GALNTL6: variants seen among roughly 807,000 people sequenced by gnomAD.
The protein encoded by GALNTL6 is polypeptide N-acetylgalactosaminyltransferase-like 6.
GALNTL6 carries 46 observed loss-of-function variants against 73.7 expected under a neutral mutation model. That is an observed-to-expected ratio of 0.62 (90% CI 0.49 to 0.80). GALNTL6 has a LOEUF of 0.80. Ranked by LOEUF, GALNTL6 falls within the 30% of genes least tolerant of loss-of-function variation. GALNTL6 has a pLI of 0.00. For missense variants in GALNTL6, 604 were observed against 755.0 expected, an observed-to-expected ratio of 0.80 and a Z score of 2.34; for synonymous variants, 259 against 263.7, an observed-to-expected ratio of 0.98 and a Z score of 0.17.
rs1447977699 is a variant in GALNTL6, at chr4:172,506,853, C to A, written c.553+158164C>A. 3.6e-5 allele frequency among the ~76,000 whole-genome samples: 2 copies of A among 55,698 alleles called. 1 individual carries two copies. The highest frequency in any genetic ancestry group is 9.0e-5 in the African/African-American group (2 of 22,286). The allele number at this position is 55,698 out of a possible 152,430, so 36.5% of individuals were successfully genotyped here. ...AGCCACTCACCACTACTCATGAGTA[C>A]ACAGGCCAAGGCCCTTGGCTTCCTG... On this transcript the variant is annotated intron_variant, in intron 5 of 12. Coordinates refer to ENST00000506823, the MANE Select transcript of GALNTL6 (RefSeq NM_001034845.3).
chr4:172,647,906 T>G (rs1740308257), intron 5 of GALNTL6, among the ~76,000 whole-genome samples: 1 of 152,128 alleles, frequency 6.6e-6, no homozygotes, highest in Non-Finnish European at 1.5e-5. Flanking sequence ...ATTAACTGTT[T>G]CTTGTATGTC....
At chr4:172,226,144 A>T (rs1579276315) in intron 2 of GALNTL6, among the ~76,000 whole-genome samples, 1 of 152,132 alleles carries the variant, frequency 6.6e-6, no homozygotes, top group African/African-American at 2.4e-5. Flanking sequence ...CCTACTTGCA[A>T]TTTCTGATAC....
chr4:172,661,664 A>G (rs1465709192), intron 5 of GALNTL6, among the ~76,000 whole-genome samples: 1 of 152,234 alleles, frequency 6.6e-6, no homozygotes, highest in East Asian at 1.9e-4. Context: ...TGGAGTGCTC[A>G]TGGCCAAAAA....
chr4:172,314,038 T>C (rs1740459646), intron 4 of GALNTL6, among the ~76,000 whole-genome samples: 1 of 152,212 alleles, frequency 6.6e-6, no homozygotes, highest in African/African-American at 2.4e-5. Flanking sequence ...TGCTTTTGAC[T>C]TCATCTGTGC....
intron 4 of GALNTL6, among the ~76,000 whole-genome samples, chr4:172,320,527 G>A (rs1293536907): frequency 6.6e-6 from 1 of 152,176 alleles, no homozygotes; most frequent in Non-Finnish European, 1.5e-5. Flanking sequence ...TACGGTGGTG[G>A]TTTGTATATT....
At chr4:171,846,909 TACA>T (rs1735387666) in intron 2 of GALNTL6, among the ~76,000 whole-genome samples, 2 of 13,488 alleles carry the variant, frequency 1.5e-4, no homozygotes, top group Admixed American at 7.7e-4. Context: ...TAATTATATA[TACA>T]TATAATTATA....
At chr4:171,872,312 T>C (rs1368397720) in intron 2 of GALNTL6, among the ~76,000 whole-genome samples, 2 of 152,128 alleles carry the variant, frequency 1.3e-5, no homozygotes, top group Non-Finnish European at 2.9e-5. Context: ...TTGCCTTATA[T>C]TAAATTGATT....
chr4:172,121,999 T>C (rs1733163649), intron 2 of GALNTL6, among the ~76,000 whole-genome samples: 1 of 151,916 alleles, frequency 6.6e-6, no homozygotes, highest in Admixed American at 6.6e-5. Context: ...TTACTTTTTT[T>C]GTATATAGAC....
intron 5 of GALNTL6, among the ~76,000 whole-genome samples, chr4:172,581,710 C>G (rs969503743): frequency 6.6e-6 from 1 of 152,212 alleles, no homozygotes; most frequent in Non-Finnish European, 1.5e-5. Context: ...CATTACCTCT[C>G]TGTCCTCTGA....
intron 2 of GALNTL6, among the ~76,000 whole-genome samples, chr4:172,030,386 T>G (rs1027310535): frequency 1.3e-5 from 2 of 151,980 alleles, no homozygotes; most frequent in Non-Finnish European, 2.9e-5. Flanking sequence ...CCTTCTTGGC[T>G]GGGGTCAAAG....
intron 2 of GALNTL6, among the ~76,000 whole-genome samples, chr4:171,851,532 G>A (rs183640406): frequency 1.4e-4 from 22 of 152,224 alleles, no homozygotes; most frequent in Non-Finnish European, 2.8e-4. Flanking sequence ...GATGAAAAAA[G>A]CAATAACACT....
At chr4:172,482,561 C>T (rs1733529847) in intron 5 of GALNTL6, among the ~76,000 whole-genome samples, 1 of 152,204 alleles carries the variant, frequency 6.6e-6, no homozygotes, top group African/African-American at 2.4e-5. Flanking sequence ...AATCCACCAC[C>T]AGGAGAACAA....
chr4:172,155,106 T>C (rs932919629), intron 2 of GALNTL6, among the ~76,000 whole-genome samples: 3 of 150,900 alleles, frequency 2.0e-5, no homozygotes, highest in Non-Finnish European at 3.0e-5. Context: ...CAAGCGATTC[T>C]GCTGTCTCAG....
intron 5 of GALNTL6, among the ~76,000 whole-genome samples, chr4:172,452,095 A>C (rs758598787): frequency 6.6e-6 from 1 of 152,222 alleles, no homozygotes; most frequent in Non-Finnish European, 1.5e-5. Context: ...AGAGTATTCC[A>C]GAATGAAACC....
In GALNTL6 at chr4:172,212,960, C is replaced by T. The variant is rs142869220; in HGVS notation, c.139-16696C>T. On this transcript the variant is annotated intron_variant, in intron 2 of 12. Transcript: ENST00000506823. ...TGCTGGGATTACAGGCGTGAGCCACCACGCCCGGCCAACCACTGATCTTTT... is the reference window on the plus strand; with the variant it reads ...TGCTGGGATTACAGGCGTGAGCCACTACGCCCGGCCAACCACTGATCTTTT... 7.9e-3 allele frequency among the ~76,000 whole-genome samples: 1,209 copies of T among 152,270 alleles called. 14 individuals carry two copies. Among genetic ancestry groups the T allele is most frequent in the African/African-American group, 0.028 (1,151 of 41,552 alleles).
chr4:172,896,963 A>G (rs1359718788), intron 8 of GALNTL6, among the ~76,000 whole-genome samples: 1 of 152,104 alleles, frequency 6.6e-6, no homozygotes, highest in Non-Finnish European at 1.5e-5. Context: ...CCCTGCACAG[A>G]TGAGATAATT....
At chr4:172,749,397 A>G (rs1737298575) in intron 5 of GALNTL6, among the ~76,000 whole-genome samples, 4 of 152,116 alleles carry the variant, frequency 2.6e-5, no homozygotes, top group African/African-American at 4.8e-5. Context: ...TTTTCAGCTA[A>G]CCAATTTTCT....
At chr4:172,089,206 C>CT (rs1579127109) in intron 2 of GALNTL6, among the ~76,000 whole-genome samples, 1 of 151,910 alleles carries the variant, frequency 6.6e-6, no homozygotes, top group East Asian at 1.9e-4. Context: ...GCAAACAAAT[C>CT]TTTATTAAGA....
intron 5 of GALNTL6, among the ~76,000 whole-genome samples, chr4:172,516,374 G>GACTC (rs1003529375): frequency 1.2e-4 from 19 of 152,114 alleles, no homozygotes; most frequent in African/African-American, 4.1e-4. Flanking sequence ...CAGCTTTCAT[G>GACTC]ACTCCTCACA....
Sources: allele counts gnomAD v4.1 joint callset (sites outside exome capture counted in the v4.1 genomes callset), GRCh38; gene constraint gnomAD v4.1.1; transcripts MANE v1.5; gene names NCBI Gene and HGNC (gene_info 2026-07-23, HGNC 2026-07-21).